Variants in REV3L observed in about 807,000 individuals in gnomAD.
REV3L encodes the protein DNA polymerase zeta catalytic subunit.
Under a neutral mutation model 299.4 loss-of-function variants are expected in REV3L, and 69 were observed. The ratio of observed to expected loss-of-function variants is 0.23; its 90% CI spans 0.19 to 0.28. REV3L has a LOEUF of 0.28. REV3L is among the 10% of genes least tolerant of loss of function. The pLI is 1.00. For synonymous variants in REV3L, 1,238 were observed against 1,271.4 expected (o/e 0.97, Z 0.56); for missense variants, 3,128 against 3,693.8 (o/e 0.85, Z 3.97).
In REV3L at chr6:111,339,945, G is replaced by A. The variant is rs1164484461; in HGVS notation, c.7538+3980C>T. Reference sequence around the variant, plus strand: ...TCCTAATGCTTTGTCAAACTTAACGGTAATAAATACAAGTTTTGATCCGGA... The same window carrying A: ...TCCTAATGCTTTGTCAAACTTAACGATAATAAATACAAGTTTTGATCCGGA... On this transcript the variant is annotated intron_variant, in intron 21 of 31. Coordinates refer to ENST00000368802, the MANE Select transcript of REV3L (RefSeq NM_001372078.1). 6.6e-5 allele frequency among the ~76,000 whole-genome samples: 10 copies of A among 152,212 alleles called. No individual in the cohort carries two copies. The South Asian group carries it at 1.4e-3, about 22-fold the overall frequency.
intron 1 of REV3L, among the ~76,000 whole-genome samples, chr6:111,437,917 G>C (rs1038099762): frequency 1.3e-5 from 2 of 152,062 alleles, no homozygotes; most frequent in Non-Finnish European, 2.9e-5. Flanking sequence ...ACAGTGGCAG[G>C]ATCACAGTTC....
Position 111,474,981 on chromosome 6 carries a change from C to CTATATATA in REV3L, c.139+7761_139+7768dup, listed in dbSNP as rs746427962. On this transcript the variant is annotated intron_variant, in intron 1 of 31. Transcript: ENST00000368802. ...CATGCACATTACATTCTATAGCTGC[C>CTATATATA]TATATATACACACACACACACACAC... Among the ~76,000 whole-genome samples, 9 of 108,148 alleles carry CTATATATA rather than the reference C, an allele frequency of 8.3e-5. No individual in the cohort carries two copies. The South Asian group carries it at 2.6e-3, about 31-fold the overall frequency. 70.9% of individuals were successfully genotyped at this position (108,148 alleles called of 152,430 possible). A position where few individuals can be genotyped will look rare whatever the true frequency, so the allele number is the denominator to read the frequency against.
intron 1 of REV3L, among the ~76,000 whole-genome samples, chr6:111,452,949 A>G (rs770979343): frequency 3.9e-5 from 6 of 152,176 alleles, no homozygotes; most frequent in Non-Finnish European, 7.4e-5. Flanking sequence ...CAAGAAATTG[A>G]TAAGAATTAT....
At chr6:111,341,134 G>A (rs1296493336) in intron 21 of REV3L, among the ~76,000 whole-genome samples, 1 of 146,082 alleles carries the variant, frequency 6.8e-6, no homozygotes. Flanking sequence ...TCTGACTCCT[G>A]CTCCCGGGTT....
chr6:111,415,847 A>G (rs1374496518), intron 2 of REV3L, among the ~76,000 whole-genome samples: 1 of 152,060 alleles, frequency 6.6e-6, no homozygotes, highest in Non-Finnish European at 1.5e-5. Flanking sequence ...CTTCCACACG[A>G]CTAATTATCA....
intron 31 of REV3L, among the ~76,000 whole-genome samples, chr6:111,302,858 C>T (rs1011502010): frequency 1.3e-5 from 2 of 152,150 alleles, no homozygotes; most frequent in Non-Finnish European, 2.9e-5. Flanking sequence ...GCCAAGATTG[C>T]ACCAACTACA....
At chr6:111,406,363 A>G (rs1385549751) in intron 3 of REV3L, among the ~76,000 whole-genome samples, 2 of 152,160 alleles carry the variant, frequency 1.3e-5, no homozygotes, top group African/African-American at 4.8e-5. Flanking sequence ...ATAGAGAAGT[A>G]ATGAGAAGTA....
chr6:111,301,267 G>A (rs1322402848), intron 31 of REV3L, among the ~76,000 whole-genome samples: 4 of 152,180 alleles, frequency 2.6e-5, no homozygotes, highest in Non-Finnish European at 5.9e-5. Context: ...GACAATGTGT[G>A]CCCAGCACGA....
chr6:111,429,117 A>C (rs937722330), intron 1 of REV3L, among the ~76,000 whole-genome samples: 4 of 152,230 alleles, frequency 2.6e-5, no homozygotes, highest in African/African-American at 9.7e-5. Context: ...CTAAGAATAA[A>C]GTATTGAGCA....
At chr6:111,418,715 T>C (rs1331522332) in intron 1 of REV3L, among the ~76,000 whole-genome samples, 2 of 152,238 alleles carry the variant, frequency 1.3e-5, no homozygotes, top group Non-Finnish European at 2.9e-5. Context: ...AAAGTCAATG[T>C]TGGCTTCCTT....
intron 1 of REV3L, among the ~76,000 whole-genome samples, chr6:111,445,902 T>C (rs956732477): frequency 3.3e-5 from 5 of 152,154 alleles, no homozygotes; most frequent in African/African-American, 9.7e-5. Flanking sequence ...GCATAGGATA[T>C]ATTCAGGAAA....
chr6:111,357,648 G>A (rs976857340), intron 17 of REV3L, among the ~76,000 whole-genome samples: 36 of 151,782 alleles, frequency 2.4e-4, no homozygotes, highest in Admixed American at 1.4e-3. Context: ...AGCGGAGATC[G>A]CACCACTGCA....
At chr6:111,455,634 T>C (rs934938402) in intron 1 of REV3L, among the ~76,000 whole-genome samples, 5 of 152,098 alleles carry the variant, frequency 3.3e-5, no homozygotes, top group African/African-American at 1.2e-4. Context: ...TCAATTAAAG[T>C]AGTAACCATG....
chr6:111,482,956 T>C lies in REV3L; in HGVS notation c.-68A>G, dbSNP rs1182607857. The C allele has an allele frequency of 1.4e-6, 2 of 1,440,446 alleles. No homozygotes were observed. Among genetic ancestry groups the C allele is most frequent in the Admixed American group, 3.7e-5 (1 of 27,136 alleles). 89.2% of individuals were successfully genotyped at this position (1,440,446 alleles called of 1,614,324 possible). On this transcript the variant is annotated 5_prime_UTR_variant, in exon 1 of 32. Transcript: ENST00000368802. ...CAGCGGCAGCAGCAGCGGCGGCGGC[T>C]CCCTCCGCAGCGGCGGCGGCGCCCC... is the stretch of plus-strand genomic sequence containing the variant.
In REV3L at chr6:111,367,705, G is replaced by C. The variant is rs776136178; in HGVS notation, c.6083C>G (p.Thr2028Ser). The C allele has an allele frequency of 1.2e-6, 2 of 1,614,090 alleles. No homozygotes were observed. Among genetic ancestry groups the C allele is most frequent in the Admixed American group, 1.7e-5 (1 of 60,000 alleles). The part of the protein sequence containing the change: ...RSKKLPKTKP[T>S]GVVKSAENFS... ...GTTCTCAGCAGATTTTACAACTCCA[G>C]TTGGCTTGGTTTTAGGCAGTTTCTT... is the stretch of plus-strand genomic sequence containing the variant. Residue 2028 changes from threonine (T) to serine (S), a missense_variant, in exon 14 of 32, where the codon ACT (threonine) becomes AGT (serine). Around this residue, in one of 9 missense-constraint regions of REV3L, gnomAD observed 2,409 missense variants for 2,611.8 expected, o/e 0.92. Coordinates refer to ENST00000368802, the MANE Select transcript of REV3L (RefSeq NM_001372078.1).
chr6:111,455,236 A>C (rs1790033566), intron 1 of REV3L, among the ~76,000 whole-genome samples: 2 of 152,148 alleles, frequency 1.3e-5, no homozygotes, highest in East Asian at 3.8e-4. Context: ...TGAAGAATTC[A>C]CCAGTAGAAA....
chr6:111,481,571 A>AT, intron 1 of REV3L, among the ~76,000 whole-genome samples: 1 of 152,312 alleles, frequency 6.6e-6, no homozygotes, highest in South Asian at 2.1e-4. Context: ...GGAAAGCGCT[A>AT]TTATCTTGGT....
At chr6:111,405,334 T>A in intron 4 of REV3L, 136 bp downstream of exon 4, 1 of 590,624 alleles carries the variant, frequency 1.7e-6, no homozygotes, top group East Asian at 3.5e-5. Context: ...CCACTTTGCA[T>A]GTATTTCTTT....
rs1037893687 is a variant in REV3L, at chr6:111,360,450, T to C, written c.6880-1436A>G. ...GTATATATACTATTGCATGTGCTCA[T>C]TGTAAATTTGTTAAATAATCTTTTT... On this transcript the variant is annotated intron_variant, in intron 16 of 31. Coordinates refer to ENST00000368802, the MANE Select transcript of REV3L (RefSeq NM_001372078.1). 1.3e-3 allele frequency among the ~76,000 whole-genome samples: 202 copies of C among 151,778 alleles called. 1 individual carries two copies. Among genetic ancestry groups the C allele is most frequent in the African/African-American group, 4.5e-3 (188 of 41,394 alleles).
Sources: gnomAD v4.1 joint callset for allele counts (sites outside exome capture counted in the v4.1 genomes callset) on GRCh38, gnomAD v4.1.1 for gene constraint, gnomAD v4.1.1 regional missense constraint, MANE v1.5 for transcripts, NCBI Gene and HGNC (gene_info 2026-07-23, HGNC 2026-07-21) for gene names.